The following DNAH9 variants were observed in gnomAD, a reference collection of about 807,000 sequenced individuals.
DNAH9 encodes dynein axonemal heavy chain 9, also known as DNAH9 variant protein.
A neutral mutation model predicts 471.6 loss-of-function variants in DNAH9; 345 were observed. The ratio of observed to expected loss-of-function variants is 0.73; its 90% CI spans 0.67 to 0.80. DNAH9 has a LOEUF of 0.80. Among genes scored for constraint, DNAH9 ranks in the 30% least tolerant of loss-of-function variants. DNAH9 has a pLI of 0.00. For missense variants in DNAH9, 5,407 were observed against 5,609.2 expected (o/e 0.96, Z 1.15); for synonymous variants, 2,093 against 2,123.6 (o/e 0.99, Z 0.40).
At position 11,683,988 on chromosome 17, in the gene DNAH9, T is replaced by G. The variant is rs1329152334; in HGVS notation, c.3743+3099T>G. Reference sequence around the variant, plus strand: ...TTGGTGTGTGTGAGTGTTCAAAATTTGTAGGTATTATGTGTGGCATGTGAG... The same window carrying G: ...TTGGTGTGTGTGAGTGTTCAAAATTGGTAGGTATTATGTGTGGCATGTGAG... On this transcript the variant is annotated intron_variant, in intron 19 of 68. Coordinates refer to ENST00000262442, the MANE Select transcript of DNAH9 (RefSeq NM_001372.4). Among the ~76,000 whole-genome samples, 5 of 152,228 alleles carry G rather than the reference T, an allele frequency of 3.3e-5. No individual in the cohort carries two copies. The East Asian group carries it at 7.7e-4, about 23-fold the overall frequency.
rs548487073 is a variant in DNAH9 at position 11,651,159 on chromosome 17, G to C, written c.2188G>C (p.Asp730His). Residue 730 changes from aspartate (D) to histidine (H), a missense_variant, in exon 13 of 69, where the codon GAT becomes CAT. Asp to His is a moderately conservative substitution (Grantham distance 81). Coordinates refer to ENST00000262442, the MANE Select transcript of DNAH9 (RefSeq NM_001372.4). ...ETAAAMFSSR[D>H]FYRQLVANLE... ...AGCAGCAGCCATGTTCTCCTCCAGG[G>C]ATTTCTATCGGCAGCTTGTGGCTAA... 6.2e-7 allele frequency: 1 copy of C among 1,613,996 alleles called. No individual in the cohort carries two copies. The highest frequency in any genetic ancestry group is 8.5e-7 in the Non-Finnish European group (1 of 1,180,014).
chr17:11,923,462 C>T (rs1019179782), intron 61 of DNAH9, among the ~76,000 whole-genome samples: 1 of 152,064 alleles, frequency 6.6e-6, no homozygotes, highest in African/African-American at 2.4e-5. Flanking sequence ...CAGGCGCCCA[C>T]CACCACGCCC....
intron 19 of DNAH9, among the ~76,000 whole-genome samples, chr17:11,688,907 C>A (rs2074285342): frequency 6.6e-6 from 1 of 152,002 alleles, no homozygotes; most frequent in Non-Finnish European, 1.5e-5. Context: ...ACCAGCCTGG[C>A]CGACATGGTG....
chr17:11,759,688 A>G (rs932249011), intron 35 of DNAH9, among the ~76,000 whole-genome samples: 6 of 116,246 alleles, frequency 5.2e-5, no homozygotes, highest in Non-Finnish European at 1.0e-4. Context: ...ATGCCCACCT[A>G]ATTTTTTTTT....
intron 65 of DNAH9, among the ~76,000 whole-genome samples, chr17:11,934,576 G>A (rs1974640519): frequency 1.3e-5 from 2 of 150,860 alleles, no homozygotes; most frequent in Non-Finnish European, 2.9e-5. Context: ...CTCCCGAGTA[G>A]CTGGGACTAC....
Position 11,690,297 on chromosome 17 carries a change from TGGA to T in DNAH9, c.4481_4483del (p.Glu1494del), listed in dbSNP as rs779977790. On this transcript the variant is annotated inframe_deletion, in exon 20 of 69. Transcript: ENST00000262442. ...ATGTCCAAGTATGTTGCTTTCTTCT[TGGA>T]GGAGGTGTCGGGCTGGCAGAAGAAG... The T allele has an allele frequency of 2.7e-5, 44 of 1,614,184 alleles. No individual in the cohort carries two copies. In the African/African-American group the frequency reaches 5.3e-4, roughly 20 times the overall value.
intron 20 of DNAH9, 142 bp downstream of exon 20, chr17:11,690,578 C>T: frequency 1.4e-6 from 1 of 736,354 alleles, no homozygotes; most frequent in South Asian, 2.0e-5. Context: ...CACAGATGCT[C>T]ACCTTACCTG....
intron 1 of DNAH9, among the ~76,000 whole-genome samples, chr17:11,602,688 C>T (rs2072411398): frequency 6.6e-6 from 1 of 152,118 alleles, no homozygotes; most frequent in Non-Finnish European, 1.5e-5. Context: ...TGTGAATGAC[C>T]CTTCCAATAA....
rs564088124 is a variant in DNAH9 at position 11,810,228 on chromosome 17, T to A, written c.8584-18T>A. ...AGGCCTTCTTTTCAGAGATTTCTGA[T>A]ATTGACCATTCCTACAGATGGACCT... On this transcript the variant is annotated intron_variant, in intron 44 of 68. Coordinates refer to ENST00000262442, the MANE Select transcript of DNAH9 (RefSeq NM_001372.4). 6.2e-7 allele frequency: 1 copy of A among 1,602,108 alleles called. No individual in the cohort carries two copies. Among genetic ancestry groups the A allele is most frequent in the Non-Finnish European group, 8.5e-7 (1 of 1,175,872 alleles).
chr17:11,607,572 T>A (rs1005006037), intron 1 of DNAH9, among the ~76,000 whole-genome samples: 6 of 152,084 alleles, frequency 3.9e-5, no homozygotes, highest in African/African-American at 1.4e-4. Flanking sequence ...TTGTTTTTTC[T>A]TTTTACATTT....
At chr17:11,739,790 A>G (rs546168901) in intron 29 of DNAH9, among the ~76,000 whole-genome samples, 2 of 152,260 alleles carry the variant, frequency 1.3e-5, no homozygotes, top group Non-Finnish European at 2.9e-5. Flanking sequence ...CCAGAAAAGA[A>G]AAGTTGGCCC....
intron 48 of DNAH9, among the ~76,000 whole-genome samples, chr17:11,824,347 A>G (rs1038389535): frequency 4.6e-5 from 7 of 152,128 alleles, no homozygotes; most frequent in Admixed American, 1.3e-4. Flanking sequence ...TTGATTCAGA[A>G]GTATTAAATG....
chr17:11,644,804 C>T (rs988364682), intron 11 of DNAH9, 105 bp downstream of exon 11: 1 of 791,058 alleles, frequency 1.3e-6, no homozygotes, highest in Admixed American at 2.2e-5. Flanking sequence ...CGAAGTATCA[C>T]TCTATGTTTT....
Position 11,822,039 on chromosome 17 carries a change from G to A in DNAH9, c.8827G>A (p.Asp2943Asn), listed in dbSNP as rs1335260880. The change falls in exon 46 of 69, where the codon GAT (aspartate) becomes AAT (asparagine). Residue 2943 changes from aspartate (D) to asparagine (N), a missense_variant. This residue lies in a region of DNAH9 where 4,636 missense variants were observed against 4,900.3 expected (regional missense o/e 0.95). Coordinates refer to ENST00000262442, the MANE Select transcript of DNAH9 (RefSeq NM_001372.4). ...NRENCWKFFI[D>N]RIRRQLKVTL... ...AGAGAACTGTTGGAAGTTCTTTATA[G>A]ATCGGATCCGGCGACAGCTGAAGGT... is the stretch of plus-strand genomic sequence containing the variant. 1 of 1,613,476 alleles carries A rather than the reference G, an allele frequency of 6.2e-7. No individual in the cohort carries two copies. The highest frequency in any genetic ancestry group is 8.5e-7 in the Non-Finnish European group (1 of 1,179,872).
intron 36 of DNAH9, among the ~76,000 whole-genome samples, chr17:11,767,528 T>G (rs1416731083): frequency 6.6e-6 from 1 of 152,244 alleles, no homozygotes; most frequent in East Asian, 1.9e-4. Context: ...CCCAGCTCCC[T>G]GGTCTCTTCA....
At chr17:11,826,255 G>C (rs1970484612) in intron 48 of DNAH9, among the ~76,000 whole-genome samples, 2 of 152,040 alleles carry the variant, frequency 1.3e-5, no homozygotes, top group Non-Finnish European at 2.9e-5. Flanking sequence ...TGCCTCATTG[G>C]CATCAGATTC....
rs376754109 is a variant in DNAH9 at position 11,611,791 on chromosome 17, G to A, written c.904+11G>A. 6.2e-7 allele frequency: 1 copy of A among 1,613,954 alleles called. No individual in the cohort carries two copies. The highest frequency in any genetic ancestry group is 8.5e-7 in the Non-Finnish European group (1 of 1,179,780). ...GAGATGTTGTTGCAGGTGAGGACCAGCAAGTGTTTTCACAAATGTGTTTGA... is the reference window on the plus strand; with the variant it reads ...GAGATGTTGTTGCAGGTGAGGACCAACAAGTGTTTTCACAAATGTGTTTGA... On this transcript the variant is annotated intron_variant, in intron 4 of 68. Coordinates refer to ENST00000262442, the MANE Select transcript of DNAH9 (RefSeq NM_001372.4).
chr17:11,727,382 G>A (rs2075173554), intron 27 of DNAH9, among the ~76,000 whole-genome samples: 1 of 152,052 alleles, frequency 6.6e-6, no homozygotes, highest in Admixed American at 6.6e-5. Context: ...CCCTGTCTTT[G>A]TCTCCAGCTC....
intron 36 of DNAH9, among the ~76,000 whole-genome samples, chr17:11,765,549 C>G (rs967608295): frequency 6.6e-6 from 1 of 152,206 alleles, no homozygotes; most frequent in African/African-American, 2.4e-5. Context: ...GAAAGCAGCT[C>G]TCGCAGGCTC....
Sources: gnomAD v4.1 joint callset for allele counts (sites outside exome capture counted in the v4.1 genomes callset) on GRCh38, gnomAD v4.1.1 for gene constraint, gnomAD v4.1.1 regional missense constraint, MANE v1.5 for transcripts, NCBI Gene and HGNC (gene_info 2026-07-23, HGNC 2026-07-21) for gene names.